SIL1: variants seen among roughly 807,000 people sequenced by gnomAD.
SIL1 encodes the protein nucleotide exchange factor SIL1.
SIL1 carries 40 observed loss-of-function variants against 49.1 expected under a neutral mutation model. The ratio of observed to expected loss-of-function variants is 0.81; its 90% CI spans 0.63 to 1.06. SIL1 has a LOEUF of 1.06. Ranked by LOEUF, SIL1 falls within the 50% of genes least tolerant of loss-of-function variation. The probability of loss-of-function intolerance (pLI) is 0.00; values close to 1 mark genes in which losing one functional copy is unlikely to be tolerated. For synonymous variants in SIL1, 253 were observed against 250.8 expected (o/e 1.01, Z -0.08); for missense variants, 500 against 572.6 (o/e 0.87, Z 1.29).
chr5:139,056,115 T>C (rs1769414242), intron 3 of SIL1, among the ~76,000 whole-genome samples: 1 of 150,126 alleles, frequency 6.7e-6, no homozygotes, highest in Non-Finnish European at 1.5e-5. Context: ...GTGAGGAGCG[T>C]CTCTGCTTGG....
intron 6 of SIL1, among the ~76,000 whole-genome samples, chr5:139,026,464 G>A (rs1198982230): frequency 3.9e-5 from 6 of 152,102 alleles, no homozygotes; most frequent in East Asian, 3.9e-4. Flanking sequence ...TTAGCTGGGC[G>A]TGGTGGTGCA....
At chr5:139,099,392 G>C (rs913198487) in intron 3 of SIL1, among the ~76,000 whole-genome samples, 1 of 152,098 alleles carries the variant, frequency 6.6e-6, no homozygotes, top group Non-Finnish European at 1.5e-5. Context: ...ACTAAAAATA[G>C]AGCTACCATA....
intron 6 of SIL1, among the ~76,000 whole-genome samples, chr5:139,025,929 A>T (rs1360472079): frequency 6.6e-6 from 1 of 152,224 alleles, no homozygotes; most frequent in Non-Finnish European, 1.5e-5. Flanking sequence ...CTGTGCCCCA[A>T]TAAAATTTTA....
chr5:139,157,388 C>T (rs1751426719), intron 1 of SIL1, among the ~76,000 whole-genome samples: 1 of 152,158 alleles, frequency 6.6e-6, no homozygotes, highest in Admixed American at 6.5e-5. Context: ...AATTCAGTTT[C>T]CTCTCTGCCC....
chr5:139,042,403 A>AT (rs1769066932), intron 5 of SIL1, among the ~76,000 whole-genome samples: 1 of 152,194 alleles, frequency 6.6e-6, no homozygotes, highest in South Asian at 2.1e-4. Context: ...GGGATGGCAA[A>AT]TAGAATTCTA....
Position 139,127,736 on chromosome 5 carries a change from T to C in SIL1, c.105+3A>G. The C allele has an allele frequency of 6.2e-7, 1 of 1,607,348 alleles. No individual in the cohort carries two copies. Among genetic ancestry groups the C allele is most frequent in the Non-Finnish European group, 8.5e-7 (1 of 1,177,642 alleles). On this transcript the variant is annotated splice_donor_region_variant and intron_variant, in intron 2 of 9. Coordinates refer to ENST00000394817, the MANE Select transcript of SIL1 (RefSeq NM_022464.5). ...CCCTCCCATTTACAATAAAGATATT[T>C]ACCAGGTTCTGATGACTGAGGCAGA...
chr5:138,983,254 A>G (rs1251994046), intron 7 of SIL1, among the ~76,000 whole-genome samples: 1 of 146,296 alleles, frequency 6.8e-6, no homozygotes, highest in African/African-American at 2.5e-5. Context: ...CACACCTGTC[A>G]TCCCAGCACT....
chr5:139,062,615 C>T (rs1769617405), intron 3 of SIL1, among the ~76,000 whole-genome samples: 1 of 152,104 alleles, frequency 6.6e-6, no homozygotes, highest in South Asian at 2.1e-4. Flanking sequence ...GGAGGACAAA[C>T]TACAGCTGGT....
Position 139,170,611 on chromosome 5 carries a change from G to A in SIL1, c.-11+27658C>T, listed in dbSNP as rs1488007181. Reference sequence around the variant, plus strand: ...CTGCCCGGCCGCCCCCATCTGAGAAGTGAGGAGACCCTCTGCCTGGCAACC... The same window carrying A: ...CTGCCCGGCCGCCCCCATCTGAGAAATGAGGAGACCCTCTGCCTGGCAACC... On this transcript the variant is annotated intron_variant, in intron 1 of 9. Coordinates refer to ENST00000394817, the MANE Select transcript of SIL1 (RefSeq NM_022464.5). 2.0e-5 allele frequency among the ~76,000 whole-genome samples: 3 copies of A among 149,616 alleles called. No homozygotes were observed. The South Asian group carries it at 6.4e-4, about 32-fold the overall frequency.
At chr5:138,963,143 G>A (rs1334351587) in intron 7 of SIL1, among the ~76,000 whole-genome samples, 1 of 152,184 alleles carries the variant, frequency 6.6e-6, no homozygotes, top group African/African-American at 2.4e-5. Context: ...CATGTCTGGT[G>A]GCTGGGGGAG....
chr5:139,078,644 G>A (rs1470825683), intron 3 of SIL1, among the ~76,000 whole-genome samples: 1 of 152,186 alleles, frequency 6.6e-6, no homozygotes, highest in African/African-American at 2.4e-5. Flanking sequence ...CGATCCCAGT[G>A]GATAAAAAAC....
chr5:138,979,342 C>G (rs1361888395), intron 7 of SIL1, among the ~76,000 whole-genome samples: 2 of 152,142 alleles, frequency 1.3e-5, no homozygotes, highest in African/African-American at 4.8e-5. Context: ...GGATTACAGG[C>G]GTGAGCCACA....
intron 1 of SIL1, among the ~76,000 whole-genome samples, chr5:139,185,563 C>T (rs1481625174): frequency 6.6e-6 from 1 of 152,188 alleles, no homozygotes; most frequent in East Asian, 1.9e-4. Flanking sequence ...TGACCGATGT[C>T]AAGTGAGGAC....
intron 1 of SIL1, among the ~76,000 whole-genome samples, chr5:139,163,435 TCTC>T (rs1425608229): frequency 1.3e-5 from 2 of 151,954 alleles, no homozygotes; most frequent in African/African-American, 4.8e-5. Context: ...AGTGGCACCA[TCTC>T]GTCTCATTGC....
chr5:139,117,968 T>C (rs1203206507), intron 3 of SIL1, among the ~76,000 whole-genome samples: 1 of 152,254 alleles, frequency 6.6e-6, no homozygotes, highest in East Asian at 1.9e-4. Flanking sequence ...CGAAACCTAG[T>C]TCCCCTCTTG....
At chr5:139,004,560 C>A (rs1233683583) in intron 7 of SIL1, among the ~76,000 whole-genome samples, 1 of 152,066 alleles carries the variant, frequency 6.6e-6, no homozygotes, top group African/African-American at 2.4e-5. Context: ...GTCTATGCTG[C>A]ACTTTAGGTA....
At chr5:138,991,634 C>T (rs1225335880) in intron 7 of SIL1, among the ~76,000 whole-genome samples, 6 of 152,230 alleles carry the variant, frequency 3.9e-5, no homozygotes, top group African/African-American at 1.4e-4. Flanking sequence ...ATATTTCCTG[C>T]CATCCTTCAA....
chr5:138,970,006 T>C (rs1767236283), intron 7 of SIL1, among the ~76,000 whole-genome samples: 1 of 152,248 alleles, frequency 6.6e-6, no homozygotes, highest in Non-Finnish European at 1.5e-5. Flanking sequence ...GCAACAGTAC[T>C]GTGCCCTGGG....
At chr5:139,000,479 G>T (rs1387004095) in intron 7 of SIL1, among the ~76,000 whole-genome samples, 1 of 152,072 alleles carries the variant, frequency 6.6e-6, no homozygotes, top group Non-Finnish European at 1.5e-5. Context: ...ATATAGTAGA[G>T]GAACAATTAT....
Sources: allele counts gnomAD v4.1 joint callset (sites outside exome capture counted in the v4.1 genomes callset), GRCh38; gene constraint gnomAD v4.1.1; transcripts MANE v1.5; gene names NCBI Gene and HGNC (gene_info 2026-07-23, HGNC 2026-07-21).